Variants in DLGAP1 observed in about 807,000 individuals in gnomAD.
DLGAP1 encodes the protein disks large-associated protein 1.
Under a neutral mutation model 90.8 loss-of-function variants are expected in DLGAP1, and 11 were observed. The observed-to-expected ratio is 0.12, with a 90% CI of 0.08 to 0.20. DLGAP1 has a LOEUF of 0.20. Ranked by LOEUF, DLGAP1 falls within the 10% of genes least tolerant of loss-of-function variation. The pLI, the probability that DLGAP1 is intolerant of heterozygous loss-of-function variation, is 1.00. For missense variants in DLGAP1, 1,050 were observed against 1,333.8 expected (o/e 0.79, Z 3.31); for synonymous variants, 558 against 540.7 (o/e 1.03, Z -0.44).
intron 7 of DLGAP1, among the ~76,000 whole-genome samples, chr18:3,702,292 G>T (rs1404966141): frequency 6.6e-6 from 1 of 152,222 alleles, no homozygotes; most frequent in Non-Finnish European, 1.5e-5. Context: ...GCTTCCCAAA[G>T]TGCTGGGATT....
chr18:3,737,890 A>C (rs1252757787), intron 6 of DLGAP1, among the ~76,000 whole-genome samples: 1 of 150,620 alleles, frequency 6.6e-6, no homozygotes, highest in South Asian at 2.1e-4. Context: ...GTCTCAGCCC[A>C]AAATCTCCTT....
At chr18:3,510,395 G>T (rs2143852766) in intron 10 of DLGAP1, among the ~76,000 whole-genome samples, 1 of 152,324 alleles carries the variant, frequency 6.6e-6, no homozygotes, top group South Asian at 2.1e-4. Context: ...TTCTATGGGT[G>T]TGCCCACTGT....
intron 2 of DLGAP1, among the ~76,000 whole-genome samples, chr18:4,035,020 T>C (rs1045425143): frequency 6.6e-5 from 10 of 152,248 alleles, no homozygotes; most frequent in Admixed American, 4.6e-4. Context: ...TCCTTTTTTA[T>C]GGCTGCATAG....
chr18:4,210,562 T>G (rs1364280155), intron 1 of DLGAP1, among the ~76,000 whole-genome samples: 1 of 152,138 alleles, frequency 6.6e-6, no homozygotes, highest in East Asian at 1.9e-4. Context: ...ATTGATTCAA[T>G]ATTTACTATA....
intron 7 of DLGAP1, among the ~76,000 whole-genome samples, chr18:3,589,551 G>A (rs2056111784): frequency 6.6e-6 from 1 of 152,034 alleles, no homozygotes; most frequent in Admixed American, 6.5e-5. Context: ...ATAAGACAAA[G>A]TAATTAAACT....
rs1357762297 is a variant in DLGAP1 at position 4,255,496 on chromosome 18, C to T, written c.-266-104209G>A. On this transcript the variant is annotated intron_variant, in intron 1 of 12. Coordinates refer to ENST00000315677, the MANE Select transcript of DLGAP1 (RefSeq NM_004746.4). ...ATACATATATATATATATTTATATA[C>T]AGATGAAAAAAAAAATATATATATA... 4.4e-5 allele frequency among the ~76,000 whole-genome samples: 6 copies of T among 134,992 alleles called. No homozygotes were observed. The East Asian group carries it at 1.2e-3, about 26-fold the overall frequency. 88.6% of individuals were successfully genotyped at this position (134,992 alleles called of 152,430 possible).
chr18:4,417,652 G>C (rs1161179129), intron 1 of DLGAP1, among the ~76,000 whole-genome samples: 1 of 152,050 alleles, frequency 6.6e-6, no homozygotes, highest in Non-Finnish European at 1.5e-5. Flanking sequence ...CAGAGTGAAG[G>C]GCAATTAACA....
intron 1 of DLGAP1, among the ~76,000 whole-genome samples, chr18:4,357,190 G>A (rs1421996997): frequency 8.6e-6 from 1 of 116,574 alleles, no homozygotes; most frequent in Non-Finnish European, 1.7e-5. Flanking sequence ...GGCTCACTCT[G>A]TGGCCCAGGC....
intron 7 of DLGAP1, among the ~76,000 whole-genome samples, chr18:3,677,177 C>A (rs2060336822): frequency 6.6e-6 from 1 of 152,188 alleles, no homozygotes. Context: ...AGTTCCTCAA[C>A]CACCAGTTGA....
chr18:3,944,382 G>A (rs1033696598), intron 3 of DLGAP1, among the ~76,000 whole-genome samples: 3 of 152,160 alleles, frequency 2.0e-5, no homozygotes, highest in African/African-American at 7.2e-5. Context: ...TGCAATCCTA[G>A]CTACTCAGGA....
At chr18:3,752,257 A>AT (rs1182126205) in intron 5 of DLGAP1, among the ~76,000 whole-genome samples, 2 of 152,066 alleles carry the variant, frequency 1.3e-5, no homozygotes, top group African/African-American at 4.8e-5. Context: ...TACTTCAGTG[A>AT]TTTTTAGTAT....
intron 3 of DLGAP1, among the ~76,000 whole-genome samples, chr18:3,898,041 G>A (rs551076729): frequency 0.021 from 3,147 of 151,894 alleles, 42 homozygotes; most frequent in Non-Finnish European, 0.031. Flanking sequence ...TGATCCGCCC[G>A]CCTTGGCCTC....
intron 2 of DLGAP1, among the ~76,000 whole-genome samples, chr18:4,108,352 A>G (rs1393271594): frequency 6.6e-6 from 1 of 152,118 alleles, no homozygotes. Context: ...TGTCAATACA[A>G]ATACAGTTTT....
chr18:4,161,704 G>A (rs1334156652), intron 1 of DLGAP1, among the ~76,000 whole-genome samples: 1 of 152,186 alleles, frequency 6.6e-6, no homozygotes, highest in African/African-American at 2.4e-5. Flanking sequence ...GCCTGTGTAT[G>A]CCAGTTGGCA....
intron 3 of DLGAP1, among the ~76,000 whole-genome samples, chr18:3,939,931 T>C (rs2072732949): frequency 6.6e-6 from 1 of 152,210 alleles, no homozygotes; most frequent in Non-Finnish European, 1.5e-5. Flanking sequence ...GCTTCCTAAA[T>C]TGTCCTCAAC....
chr18:3,943,330 C>T (rs1328014890), intron 3 of DLGAP1, among the ~76,000 whole-genome samples: 1 of 152,080 alleles, frequency 6.6e-6, no homozygotes, highest in Admixed American at 6.5e-5. Context: ...GATCGCCAGG[C>T]TTTGCTGACT....
At chr18:4,159,212 G>A (rs1439276510) in intron 1 of DLGAP1, among the ~76,000 whole-genome samples, 1 of 152,130 alleles carries the variant, frequency 6.6e-6, no homozygotes, top group Non-Finnish European at 1.5e-5. Context: ...GTAGCTGCCA[G>A]AGAGTCCTTC....
At chr18:4,046,218 G>T (rs2075051936) in intron 2 of DLGAP1, among the ~76,000 whole-genome samples, 1 of 152,118 alleles carries the variant, frequency 6.6e-6, no homozygotes, top group South Asian at 2.1e-4. Context: ...ACTTCTTATG[G>T]TTGGTTGTAC....
At chr18:4,394,699 A>T (rs1435153263) in intron 1 of DLGAP1, among the ~76,000 whole-genome samples, 1 of 152,226 alleles carries the variant, frequency 6.6e-6, no homozygotes, top group East Asian at 1.9e-4. Context: ...TGTATCAGAT[A>T]ATTAATTTTA....
Sources: gnomAD v4.1 joint callset for allele counts (sites outside exome capture counted in the v4.1 genomes callset) on GRCh38, gnomAD v4.1.1 for gene constraint, MANE v1.5 for transcripts, NCBI Gene and HGNC (gene_info 2026-07-23, HGNC 2026-07-21) for gene names.